RAB7A: variants seen among roughly 807,000 people sequenced by gnomAD.
RAB7A encodes ras-related protein Rab-7a.
In RAB7A, 2 loss-of-function variants were observed where a neutral mutation model predicts 24.5. The ratio of observed to expected loss-of-function variants is 0.08; its 90% CI spans 0.03 to 0.26. RAB7A has a LOEUF of 0.26. Among genes scored for constraint, RAB7A ranks in the 10% least tolerant of loss-of-function variants. RAB7A has a pLI of 1.00. For synonymous variants in RAB7A, 100 were observed against 95.9 expected, an observed-to-expected ratio of 1.04 and a Z score of -0.25; for missense variants, 118 against 255.7, an observed-to-expected ratio of 0.46 and a Z score of 3.67.
chr3:128,774,188 AAAAAAAAAAAATT>A (rs1480624513), intron 1 of RAB7A, among the ~76,000 whole-genome samples: 1 of 148,396 alleles, frequency 6.7e-6, no homozygotes, highest in Admixed American at 6.7e-5. Flanking sequence ...TATTAACTAA[AAAAAAAAAAAATT>A]AAAAAAAAAA....
chr3:128,726,601 G>A (rs1387125585), intron 1 of RAB7A, among the ~76,000 whole-genome samples: 1 of 152,188 alleles, frequency 6.6e-6, no homozygotes, highest in Non-Finnish European at 1.5e-5. Context: ...CACCCGTCTC[G>A]GACGCTCTGT....
chr3:128,754,485 GATA>G (rs1371324784), intron 1 of RAB7A, among the ~76,000 whole-genome samples: 5 of 152,258 alleles, frequency 3.3e-5, no homozygotes, highest in Non-Finnish European at 5.9e-5. Flanking sequence ...CACAAAATAA[GATA>G]ATAATGCAGG....
intron 1 of RAB7A, among the ~76,000 whole-genome samples, chr3:128,761,095 A>G (rs1471303546): frequency 6.6e-6 from 1 of 152,196 alleles, no homozygotes; most frequent in Non-Finnish European, 1.5e-5. Flanking sequence ...TATAAAAAGT[A>G]AGCACAGCTG....
intron 1 of RAB7A, among the ~76,000 whole-genome samples, chr3:128,756,557 T>A (rs148861727): frequency 0.012 from 1,825 of 152,278 alleles, 33 homozygotes; most frequent in African/African-American, 0.039. Context: ...TTTAAAAACT[T>A]ACTATTGTTA....
intron 1 of RAB7A, among the ~76,000 whole-genome samples, chr3:128,761,188 T>C (rs1453451445): frequency 2.6e-5 from 4 of 152,228 alleles, no homozygotes; most frequent in Non-Finnish European, 4.4e-5. Context: ...CTGTACCCAG[T>C]TGAGGATTCA....
chr3:128,732,363 G>A (rs1328505392), intron 1 of RAB7A, among the ~76,000 whole-genome samples: 3 of 151,474 alleles, frequency 2.0e-5, no homozygotes, highest in South Asian at 2.1e-4. Flanking sequence ...AAAATGATAC[G>A]TCTTTTTTGC....
At chr3:128,761,576 G>A (rs560093236) in intron 1 of RAB7A, among the ~76,000 whole-genome samples, 4 of 152,264 alleles carry the variant, frequency 2.6e-5, no homozygotes, top group East Asian at 1.9e-4. Flanking sequence ...CTCTGAACAG[G>A]CCTTATGTAC....
intron 5 of RAB7A, among the ~76,000 whole-genome samples, chr3:128,810,879 C>T (rs966960209): frequency 6.6e-6 from 1 of 152,078 alleles, no homozygotes; most frequent in African/African-American, 2.4e-5. Flanking sequence ...CATTGTGAAA[C>T]CCCATCTCTA....
chr3:128,731,045 C>A (rs2070431291), intron 1 of RAB7A, among the ~76,000 whole-genome samples: 1 of 152,230 alleles, frequency 6.6e-6, no homozygotes, highest in South Asian at 2.1e-4. Context: ...GAAGTTCTCT[C>A]TTCTCCCTCA....
At chr3:128,796,347 GA>G (rs1315693594) in intron 2 of RAB7A, among the ~76,000 whole-genome samples, 1 of 151,884 alleles carries the variant, frequency 6.6e-6, no homozygotes, top group Non-Finnish European at 1.5e-5. Context: ...AGCTGCTGGG[GA>G]GGCCGAGGCG....
At chr3:128,735,329 T>A (rs890717929) in intron 1 of RAB7A, among the ~76,000 whole-genome samples, 6 of 150,488 alleles carry the variant, frequency 4.0e-5, no homozygotes, top group African/African-American at 1.2e-4. Context: ...TGGGAATGAC[T>A]GTATGTATGG....
chr3:128,804,658 A>T (rs908775465), intron 3 of RAB7A, among the ~76,000 whole-genome samples: 3 of 152,066 alleles, frequency 2.0e-5, no homozygotes, highest in Non-Finnish European at 4.4e-5. Context: ...CTTCTTTTTG[A>T]TGTATTACTT....
chr3:128,752,152 CA>C (rs1447846400), intron 1 of RAB7A, among the ~76,000 whole-genome samples: 1 of 152,204 alleles, frequency 6.6e-6, no homozygotes, highest in African/African-American at 2.4e-5. Context: ...ACACTAACTA[CA>C]AATCCTAAGA....
Position 128,791,005 on chromosome 3 carries a change from C to T in RAB7A, c.-8-4355C>T, listed in dbSNP as rs556796794. On this transcript the variant is annotated intron_variant, in intron 1 of 5. Coordinates refer to ENST00000265062, the MANE Select transcript of RAB7A (RefSeq NM_004637.6). Reference sequence around the variant, plus strand: ...CTCCCATAGACTGTTTATTCAAATTCTTTTTTTCTCTGTAAAATTATTTTT... The same window carrying T: ...CTCCCATAGACTGTTTATTCAAATTTTTTTTTTCTCTGTAAAATTATTTTT... 5.9e-5 allele frequency among the ~76,000 whole-genome samples: 9 copies of T among 152,190 alleles called. No homozygotes were observed. The South Asian group carries it at 1.9e-3, about 32-fold the overall frequency.
rs756651096 is a variant in RAB7A at position 128,795,394 on chromosome 3, G to A, written c.27G>A (p.Leu9=). ...TGACCTCTAGGAAGAAAGTGTTGCT[G>A]AAGGTTATCATCCTGGGAGATTCTG... MTSRKKVL[L]KVIILGDSGV... is the part of the protein sequence containing the mutation. The change falls in exon 2 of 6, where the codon CTG becomes CTA. Residue 9 remains leucine, a synonymous_variant. Coordinates refer to ENST00000265062, the MANE Select transcript of RAB7A (RefSeq NM_004637.6). 2.5e-6 allele frequency: 4 copies of A among 1,613,444 alleles called. No homozygotes were observed. The highest frequency in any genetic ancestry group is 3.4e-6 in the Non-Finnish European group (4 of 1,179,404).
chr3:128,769,971 A>G (rs577570716), intron 1 of RAB7A, among the ~76,000 whole-genome samples: 1 of 151,608 alleles, frequency 6.6e-6, no homozygotes, highest in Non-Finnish European at 1.5e-5. Flanking sequence ...TTAGAAGGTC[A>G]GATAAACAAC....
At chr3:128,768,009 A>G (rs1382261057) in intron 1 of RAB7A, among the ~76,000 whole-genome samples, 1 of 152,192 alleles carries the variant, frequency 6.6e-6, no homozygotes, top group African/African-American at 2.4e-5. Flanking sequence ...AACCATCACC[A>G]TAGTCAAGAG....
chr3:128,763,363 C>T (rs891391284), intron 1 of RAB7A, among the ~76,000 whole-genome samples: 2 of 151,186 alleles, frequency 1.3e-5, no homozygotes, highest in African/African-American at 4.9e-5. Context: ...TACAGGCACC[C>T]GCCACCACGC....
chr3:128,797,384 C>G (rs147631583), intron 2 of RAB7A, among the ~76,000 whole-genome samples: 3 of 152,174 alleles, frequency 2.0e-5, no homozygotes, highest in Non-Finnish European at 4.4e-5. Context: ...TACTAGAAAA[C>G]ATATTTGGAG....
Sources: gnomAD v4.1 joint callset for allele counts (sites outside exome capture counted in the v4.1 genomes callset) on GRCh38, gnomAD v4.1.1 for gene constraint, MANE v1.5 for transcripts, NCBI Gene and HGNC (gene_info 2026-07-23, HGNC 2026-07-21) for gene names.